The following CDKAL1 variants were observed in gnomAD, a reference collection of about 807,000 sequenced individuals.
The protein encoded by CDKAL1 is threonylcarbamoyladenosine tRNA methylthiotransferase.
Under a neutral mutation model 68.2 loss-of-function variants are expected in CDKAL1, and 32 were observed. The ratio of observed to expected loss-of-function variants is 0.47; its 90% CI spans 0.35 to 0.63. The LOEUF (loss-of-function observed/expected upper bound fraction) is 0.63. Among genes scored for constraint, CDKAL1 ranks in the 30% least tolerant of loss-of-function variants. The pLI, the probability that CDKAL1 is intolerant of heterozygous loss-of-function variation, is 0.00. For missense variants in CDKAL1, 606 were observed against 696.7 expected (o/e 0.87, Z 1.47); for synonymous variants, 234 against 244.3 (o/e 0.96, Z 0.39).
At chr6:20,907,616 G>A (rs1762289025) in intron 9 of CDKAL1, among the ~76,000 whole-genome samples, 1 of 152,192 alleles carries the variant, frequency 6.6e-6, no homozygotes, top group Non-Finnish European at 1.5e-5. Flanking sequence ...ATCAAGGGAA[G>A]CCAAACCACT....
chr6:20,950,969 G>GAA (rs5874796), intron 9 of CDKAL1, among the ~76,000 whole-genome samples: 142 of 139,472 alleles, frequency 1.0e-3, no homozygotes, highest in Non-Finnish European at 1.6e-3. Flanking sequence ...AACAGTCTCA[G>GAA]AAAAAAAAAA....
intron 13 of CDKAL1, among the ~76,000 whole-genome samples, chr6:21,148,473 G>A (rs1186606117): frequency 6.6e-6 from 1 of 152,204 alleles, no homozygotes; most frequent in East Asian, 1.9e-4. Context: ...ACAGAAGAAT[G>A]TGTGGTTGTT....
At chr6:20,780,664 CTT>C (rs1561771519) in intron 7 of CDKAL1, among the ~76,000 whole-genome samples, 1 of 138,242 alleles carries the variant, frequency 7.2e-6, no homozygotes, top group African/African-American at 2.7e-5. Context: ...TTTTTCATTT[CTT>C]TTTCTTTTTT....
At chr6:20,887,811 T>A (rs1761161326) in intron 9 of CDKAL1, among the ~76,000 whole-genome samples, 1 of 150,818 alleles carries the variant, frequency 6.6e-6, no homozygotes, top group South Asian at 2.1e-4. Context: ...AGAGACAGGG[T>A]CTGTTTCTGT....
chr6:21,224,130 C>G (rs558480061), intron 15 of CDKAL1, among the ~76,000 whole-genome samples: 2 of 152,288 alleles, frequency 1.3e-5, no homozygotes, highest in South Asian at 2.1e-4. Context: ...TCATGTCCCC[C>G]ACCCAAAGAT....
chr6:20,915,334 A>G (rs1762674940), intron 9 of CDKAL1, among the ~76,000 whole-genome samples: 2 of 152,164 alleles, frequency 1.3e-5, no homozygotes, highest in Admixed American at 1.3e-4. Context: ...ATTTTAAGAA[A>G]TTGAGGAACT....
intron 11 of CDKAL1, among the ~76,000 whole-genome samples, chr6:21,006,610 C>T (rs1767742499): frequency 6.6e-6 from 1 of 152,196 alleles, no homozygotes; most frequent in African/African-American, 2.4e-5. Flanking sequence ...ACATATATAT[C>T]ATTGGATCAG....
intron 11 of CDKAL1, among the ~76,000 whole-genome samples, chr6:21,020,123 A>G (rs1375920066): frequency 1.3e-5 from 2 of 152,162 alleles, no homozygotes; most frequent in African/African-American, 2.4e-5. Flanking sequence ...AAGGGATAAG[A>G]TAGTTTTTGC....
chr6:20,812,402 A>ATGC (rs1776858499), intron 8 of CDKAL1, among the ~76,000 whole-genome samples: 1 of 152,208 alleles, frequency 6.6e-6, no homozygotes, highest in Non-Finnish European at 1.5e-5. Flanking sequence ...TTATTTTGAC[A>ATGC]TGCTGTCAGT....
chr6:21,101,482 A>G (rs528099984), intron 12 of CDKAL1, among the ~76,000 whole-genome samples: 1 of 152,288 alleles, frequency 6.6e-6, no homozygotes, highest in South Asian at 2.1e-4. Context: ...AAGCAGATAC[A>G]TGGCCCAAGA....
At chr6:20,990,347 A>G (rs1035424337) in intron 10 of CDKAL1, among the ~76,000 whole-genome samples, 3 of 152,346 alleles carry the variant, frequency 2.0e-5, no homozygotes, top group Non-Finnish European at 4.4e-5. Context: ...ATTGGTTTCA[A>G]GATGTGTATT....
intron 9 of CDKAL1, among the ~76,000 whole-genome samples, chr6:20,943,160 A>G (rs944122048): frequency 6.6e-6 from 1 of 150,990 alleles, no homozygotes; most frequent in South Asian, 2.1e-4. Context: ...GTCAACAAAA[A>G]TCTAGGTTAA....
chr6:21,227,972 G>A (rs570747013), intron 15 of CDKAL1, among the ~76,000 whole-genome samples: 20 of 152,296 alleles, frequency 1.3e-4, no homozygotes, highest in African/African-American at 4.6e-4. Flanking sequence ...AAAACAAAAC[G>A]TGTTATCAAC....
chr6:20,592,425 G>A (rs1399606528), intron 4 of CDKAL1, among the ~76,000 whole-genome samples: 3 of 151,604 alleles, frequency 2.0e-5, no homozygotes, highest in East Asian at 1.9e-4. Flanking sequence ...GGTGAGAGAG[G>A]GCATCCTTGT....
Position 20,548,524 on chromosome 6 carries a change from C to A in CDKAL1, c.174-69C>A, listed in dbSNP as rs1382888853. ...CTGCAGCCTGGGCAACAGAGCAAGA[C>A]CCTGGATCAAAAAAAAAAAAAATCA... On this transcript the variant is annotated intron_variant, in intron 3 of 15. Coordinates refer to ENST00000274695, the MANE Select transcript of CDKAL1 (RefSeq NM_017774.3). 15 of 767,494 alleles carry A rather than the reference C, an allele frequency of 2.0e-5. No individual in the cohort carries two copies. In the African/African-American group the frequency reaches 2.0e-4, roughly 10 times the overall value. The allele number at this position is 767,494 out of a possible 1,614,324, so 47.5% of individuals were successfully genotyped here.
At chr6:20,785,751 A>G (rs565727543) in intron 8 of CDKAL1, among the ~76,000 whole-genome samples, 33 of 152,128 alleles carry the variant, frequency 2.2e-4, no homozygotes, top group African/African-American at 7.5e-4. Context: ...TCAAAATTTT[A>G]TTGCTTCCAC....
chr6:20,777,689 A>T (rs566298544), intron 7 of CDKAL1, among the ~76,000 whole-genome samples: 1 of 152,180 alleles, frequency 6.6e-6, no homozygotes, highest in Non-Finnish European at 1.5e-5. Context: ...TTAGCTTTAC[A>T]TGAGTCTCCC....
rs144604861 is a variant in CDKAL1 at position 21,035,812 on chromosome 6, C to G, written c.1056-29236C>G. The stretch of plus-strand genomic sequence containing the variant: ...TCACACAGATTCTTGCTGCCAAACA[C>G]TGATACCAATTCATGATATCAGCAT... On this transcript the variant is annotated intron_variant, in intron 11 of 15. Coordinates refer to ENST00000274695, the MANE Select transcript of CDKAL1 (RefSeq NM_017774.3). Among the ~76,000 whole-genome samples the G allele has an allele frequency of 4.2e-3, 641 of 152,206 alleles. 4 individuals are homozygous for G. Among genetic ancestry groups the G allele is most frequent in the Non-Finnish European group, 5.1e-3 (344 of 67,976 alleles).
At chr6:21,054,505 G>A (rs747609890) in intron 11 of CDKAL1, among the ~76,000 whole-genome samples, 7 of 151,988 alleles carry the variant, frequency 4.6e-5, no homozygotes, top group Non-Finnish European at 7.4e-5. Context: ...CTGTTATTTT[G>A]ATAGGAGTTG....
Sources: allele counts gnomAD v4.1 joint callset (sites outside exome capture counted in the v4.1 genomes callset), GRCh38; gene constraint gnomAD v4.1.1; transcripts MANE v1.5; gene names NCBI Gene and HGNC (gene_info 2026-07-23, HGNC 2026-07-21).